MCC: variants seen among roughly 807,000 people sequenced by gnomAD.
The protein encoded by MCC is MCC regulator of Wnt signaling pathway.
MCC carries 90 observed loss-of-function variants against 116.2 expected under a neutral mutation model. The ratio of observed to expected loss-of-function variants is 0.77; its 90% CI spans 0.65 to 0.92. The LOEUF (loss-of-function observed/expected upper bound fraction) is 0.92, where lower values mean the gene tolerates loss of function less well. Ranked by LOEUF, MCC falls within the 40% of genes least tolerant of loss-of-function variation. MCC has a pLI of 0.00. For synonymous variants in MCC, 578 were observed against 510.5 expected (o/e 1.13, Z -1.78); for missense variants, 1,516 against 1,312.2 (o/e 1.16, Z -2.40).
At chr5:113,223,082 C>T (rs1049202598) in intron 3 of MCC, among the ~76,000 whole-genome samples, 4 of 152,112 alleles carry the variant, frequency 2.6e-5, no homozygotes, top group African/African-American at 9.7e-5. Flanking sequence ...TTGACAGGGA[C>T]GGTGACACAC....
At chr5:113,302,637 A>G (rs1766891130) in intron 3 of MCC, among the ~76,000 whole-genome samples, 1 of 152,200 alleles carries the variant, frequency 6.6e-6, no homozygotes, top group Non-Finnish European at 1.5e-5. Context: ...AAATGACATG[A>G]TGTCTGGGAT....
At chr5:113,064,206 C>T in intron 13 of MCC, 39 bp from the exon 14 acceptor site, 1 of 1,562,618 alleles carries the variant, frequency 6.4e-7, no homozygotes, top group Non-Finnish European at 8.7e-7. Context: ...TCAACATAGG[C>T]CTGGACAAGG....
At chr5:113,373,034 C>A (rs957053158) in intron 2 of MCC, among the ~76,000 whole-genome samples, 23 of 152,052 alleles carry the variant, frequency 1.5e-4, no homozygotes, top group Non-Finnish European at 3.1e-4. Context: ...AAAAAATTAG[C>A]CGGGCATGGT....
chr5:113,078,603 C>A (rs1225323564), intron 11 of MCC, among the ~76,000 whole-genome samples: 3 of 152,210 alleles, frequency 2.0e-5, no homozygotes, highest in Non-Finnish European at 4.4e-5. Context: ...TGACAACATT[C>A]AACAGCTCTT....
chr5:113,447,918 G>A (rs2150418716), intron 1 of MCC, among the ~76,000 whole-genome samples: 1 of 152,276 alleles, frequency 6.6e-6, no homozygotes, highest in Non-Finnish European at 1.5e-5. Context: ...AAGCAAGACA[G>A]CAAAATAGCT....
intron 4 of MCC, among the ~76,000 whole-genome samples, chr5:113,145,904 C>T (rs1463110081): frequency 6.6e-6 from 1 of 152,080 alleles, no homozygotes; most frequent in East Asian, 1.9e-4. Flanking sequence ...GAGAAGCCTG[C>T]CTGGAGGATA....
At chr5:113,081,162 C>G (rs1205877757) in intron 11 of MCC, among the ~76,000 whole-genome samples, 3 of 152,160 alleles carry the variant, frequency 2.0e-5, no homozygotes, top group Non-Finnish European at 4.4e-5. Context: ...GAATAGCAGA[C>G]ATCAGGATAT....
At chr5:113,488,118 G>A in intron 1 of MCC, 127 bp downstream of exon 1, 1 of 989,360 alleles carries the variant, frequency 1.0e-6, no homozygotes, top group Non-Finnish European at 1.4e-6. Context: ...TCGGAGTCGC[G>A]GCCAACTTTT....
At chr5:113,066,216 C>A (rs1202600707) in intron 13 of MCC, among the ~76,000 whole-genome samples, 1 of 152,128 alleles carries the variant, frequency 6.6e-6, no homozygotes, top group Non-Finnish European at 1.5e-5. Flanking sequence ...TAGGTACATG[C>A]CTAATGAAAG....
At chr5:113,239,252 C>T (rs936684826) in intron 3 of MCC, among the ~76,000 whole-genome samples, 2 of 152,160 alleles carry the variant, frequency 1.3e-5, no homozygotes, top group East Asian at 3.8e-4. Flanking sequence ...TTTAGAAAAA[C>T]ATGTTCCATG....
chr5:113,069,223 T>C (rs1372388603), intron 12 of MCC, among the ~76,000 whole-genome samples: 2 of 152,266 alleles, frequency 1.3e-5, no homozygotes, highest in Admixed American at 1.3e-4. Flanking sequence ...TAAAACTAAG[T>C]GCTTAAAATG....
At chr5:113,232,795 G>A (rs754335947) in intron 3 of MCC, among the ~76,000 whole-genome samples, 3 of 152,112 alleles carry the variant, frequency 2.0e-5, no homozygotes, top group Non-Finnish European at 4.4e-5. Flanking sequence ...ACCATGTGCA[G>A]AGTGCTTTAA....
At chr5:113,353,846 C>A (rs778830775) in intron 2 of MCC, among the ~76,000 whole-genome samples, 1 of 152,174 alleles carries the variant, frequency 6.6e-6, no homozygotes, top group South Asian at 2.1e-4. Flanking sequence ...TCTACAATAG[C>A]TAGAGTGGAC....
intron 14 of MCC, among the ~76,000 whole-genome samples, chr5:113,061,800 G>A (rs1231187362): frequency 6.6e-6 from 1 of 152,206 alleles, no homozygotes; most frequent in Non-Finnish European, 1.5e-5. Flanking sequence ...TTACAGCGGG[G>A]GGAAAGGAGA....
chr5:113,328,188 T>C (rs1767614208), intron 3 of MCC, among the ~76,000 whole-genome samples: 1 of 152,304 alleles, frequency 6.6e-6, no homozygotes, highest in South Asian at 2.1e-4. Context: ...AGGGTTAGGT[T>C]TGAAGAGGGA....
chr5:113,049,374 G>T (rs1580925603), intron 15 of MCC, 75 bp from the exon 16 acceptor site: 1 of 1,321,614 alleles, frequency 7.6e-7, no homozygotes. Context: ...CAAGTGGGTG[G>T]GTGGGGGGTC....
chr5:113,477,225 T>C (rs1171287510), intron 1 of MCC, among the ~76,000 whole-genome samples: 1 of 152,190 alleles, frequency 6.6e-6, no homozygotes, highest in African/African-American at 2.4e-5. Context: ...TGTAGGTAGT[T>C]GCTAAAAACA....
At chr5:113,431,821 T>G (rs1318413967) in intron 1 of MCC, among the ~76,000 whole-genome samples, 1 of 141,872 alleles carries the variant, frequency 7.0e-6, no homozygotes, top group Non-Finnish European at 1.5e-5. Context: ...GCCAACATGA[T>G]GAAACCCCGT....
chr5:113,085,765 C>T (rs1252234237), intron 8 of MCC, among the ~76,000 whole-genome samples: 1 of 152,136 alleles, frequency 6.6e-6, no homozygotes, highest in Non-Finnish European at 1.5e-5. Flanking sequence ...AACCATGGCT[C>T]ACTGCAGCCT....
Sources: allele counts gnomAD v4.1 joint callset (sites outside exome capture counted in the v4.1 genomes callset), GRCh38; gene constraint gnomAD v4.1.1; transcripts MANE v1.5; gene names NCBI Gene and HGNC (gene_info 2026-07-23, HGNC 2026-07-21).